Variants in MBOAT1 observed in about 807,000 individuals in gnomAD.
MBOAT1 encodes the protein membrane-bound glycerophospholipid O-acyltransferase 1.
In MBOAT1, 67 loss-of-function variants were observed where a neutral mutation model predicts 64.4. That is an observed-to-expected ratio of 1.04 (90% CI 0.85 to 1.27). The LOEUF (loss-of-function observed/expected upper bound fraction) is 1.27, where lower values mean the gene tolerates loss of function less well. Ranked by LOEUF, MBOAT1 falls within the 50% of genes most tolerant of loss-of-function variation. MBOAT1 has a pLI of 0.00. For synonymous variants in MBOAT1, 229 were observed against 218.9 expected (o/e 1.05, Z -0.41); for missense variants, 563 against 604.6 (o/e 0.93, Z 0.72).
intron 1 of MBOAT1, among the ~76,000 whole-genome samples, chr6:20,178,216 G>A (rs191162595): frequency 5.3e-4 from 81 of 152,208 alleles, no homozygotes; most frequent in Non-Finnish European, 1.1e-3. Context: ...ATGCAACTTC[G>A]TGTCTCCTAC....
chr6:20,178,264 G>A (rs961300282), intron 1 of MBOAT1, among the ~76,000 whole-genome samples: 2 of 152,004 alleles, frequency 1.3e-5, no homozygotes, highest in African/African-American at 4.8e-5. Context: ...ATTTAAATTG[G>A]ACCATTCCAA....
chr6:20,192,951 T>C (rs1026502185), intron 1 of MBOAT1, among the ~76,000 whole-genome samples: 52 of 150,532 alleles, frequency 3.5e-4, no homozygotes, highest in African/African-American at 1.2e-3. Context: ...ACAACCTGGA[T>C]CTGAAGCTTT....
At chr6:20,193,272 C>T (rs1762860844) in intron 1 of MBOAT1, among the ~76,000 whole-genome samples, 1 of 152,068 alleles carries the variant, frequency 6.6e-6, no homozygotes, top group African/African-American at 2.4e-5. Context: ...TCCCAGAGTG[C>T]TGGGATTACA....
intron 1 of MBOAT1, among the ~76,000 whole-genome samples, chr6:20,160,356 C>T (rs531275660): frequency 3.3e-5 from 5 of 152,230 alleles, no homozygotes; most frequent in African/African-American, 1.2e-4. Context: ...CAAATATTAA[C>T]GGTCCAAAAG....
chr6:20,120,136 A>T (rs1760453312), intron 8 of MBOAT1, among the ~76,000 whole-genome samples: 1 of 152,042 alleles, frequency 6.6e-6, no homozygotes, highest in Non-Finnish European at 1.5e-5. Context: ...TCCGGGGGGA[A>T]ACTGGACAGG....
chr6:20,212,351 GC>G lies in MBOAT1; in HGVS notation c.-118del. 1.1e-6 allele frequency: 1 copy of G among 886,256 alleles called. No homozygotes were observed. The highest frequency in any genetic ancestry group is 1.7e-6 in the Non-Finnish European group (1 of 585,694). 54.9% of individuals were successfully genotyped at this position (886,256 alleles called of 1,614,324 possible). A position where few individuals can be genotyped will look rare whatever the true frequency, so the allele number is the denominator to read the frequency against. On this transcript the variant is annotated 5_prime_UTR_variant, in exon 1 of 13. Transcript: ENST00000324607. ...CGAGAGGCGCACGGCCGCCTGGTTC[GC>G]GGGGGAGCGAACGGGAGGCCGGGGA...
intron 1 of MBOAT1, among the ~76,000 whole-genome samples, chr6:20,207,968 T>G (rs1763310868): frequency 1.3e-5 from 2 of 152,224 alleles, no homozygotes; most frequent in African/African-American, 4.8e-5. Context: ...TTTGTATTTC[T>G]ACCATATGGC....
intron 1 of MBOAT1, among the ~76,000 whole-genome samples, chr6:20,172,016 G>A (rs1762211262): frequency 6.6e-6 from 1 of 152,114 alleles, no homozygotes; most frequent in Non-Finnish European, 1.5e-5. Flanking sequence ...CTGGGAGGCA[G>A]AGTGAGATTC....
intron 1 of MBOAT1, among the ~76,000 whole-genome samples, chr6:20,162,077 T>G (rs1761882116): frequency 6.6e-6 from 1 of 152,202 alleles, no homozygotes. Flanking sequence ...CCGGTCATGT[T>G]GGATTAGGAC....
intron 12 of MBOAT1, among the ~76,000 whole-genome samples, chr6:20,107,598 C>A (rs1215054532): frequency 6.6e-6 from 1 of 152,166 alleles, no homozygotes; most frequent in East Asian, 1.9e-4. Context: ...CAAGCTATCA[C>A]CCCAGTGAGA....
chr6:20,109,841 C>G, intron 11 of MBOAT1, 92 bp from the exon 12 acceptor site: 1 of 1,266,598 alleles, frequency 7.9e-7, no homozygotes, highest in Non-Finnish European at 1.1e-6. Flanking sequence ...GCCACAGGAA[C>G]ATGGGCTACA....
At chr6:20,142,648 C>A (rs1309448374) in intron 4 of MBOAT1, among the ~76,000 whole-genome samples, 2 of 152,086 alleles carry the variant, frequency 1.3e-5, no homozygotes, top group Admixed American at 1.3e-4. Context: ...TAGCGTTTCA[C>A]CATGTTGGTC....
At chr6:20,166,497 T>G (rs916948284) in intron 1 of MBOAT1, among the ~76,000 whole-genome samples, 4 of 152,160 alleles carry the variant, frequency 2.6e-5, no homozygotes, top group Non-Finnish European at 5.9e-5. Context: ...GGGACTTCTC[T>G]CTTTGGGAGC....
intron 1 of MBOAT1, among the ~76,000 whole-genome samples, chr6:20,190,151 T>C (rs1054775475): frequency 7.3e-4 from 111 of 152,072 alleles, no homozygotes; most frequent in African/African-American, 2.6e-3. Flanking sequence ...CCCGCCACCA[T>C]GCCTGGCTAA....
intron 6 of MBOAT1, among the ~76,000 whole-genome samples, chr6:20,127,506 C>A (rs1760690026): frequency 6.6e-6 from 1 of 152,144 alleles, no homozygotes; most frequent in Admixed American, 6.5e-5. Flanking sequence ...CAGCCTCTCC[C>A]CATCACTTAC....
At chr6:20,159,281 A>G (rs1761780113) in intron 1 of MBOAT1, among the ~76,000 whole-genome samples, 1 of 152,074 alleles carries the variant, frequency 6.6e-6, no homozygotes, top group Non-Finnish European at 1.5e-5. Context: ...CGCCTGCATT[A>G]CCGTCTGAAC....
intron 1 of MBOAT1, among the ~76,000 whole-genome samples, chr6:20,177,397 T>C (rs1762373218): frequency 6.6e-6 from 1 of 152,226 alleles, no homozygotes; most frequent in East Asian, 1.9e-4. Flanking sequence ...TCTTACTTTG[T>C]TGTCCAGGCC....
At chr6:20,103,535 G>C (rs530805450) in intron 12 of MBOAT1, among the ~76,000 whole-genome samples, 2 of 151,980 alleles carry the variant, frequency 1.3e-5, no homozygotes, top group Non-Finnish European at 2.9e-5. Context: ...GGGTTCAAAC[G>C]ATTCTCCTGC....
chr6:20,161,363 C>T (rs1301483314), intron 1 of MBOAT1, among the ~76,000 whole-genome samples: 2 of 151,942 alleles, frequency 1.3e-5, no homozygotes, highest in Admixed American at 6.6e-5. Flanking sequence ...ATATATTACA[C>T]TGTAATAAGA....
Sources: gnomAD v4.1 joint callset for allele counts (sites outside exome capture counted in the v4.1 genomes callset) on GRCh38, gnomAD v4.1.1 for gene constraint, MANE v1.5 for transcripts, NCBI Gene and HGNC (gene_info 2026-07-23, HGNC 2026-07-21) for gene names.